The following MTR variants were observed in gnomAD, a reference collection of about 807,000 sequenced individuals.
The protein encoded by MTR is methionine synthase.
In MTR, 84 loss-of-function variants were observed where a neutral mutation model predicts 154.8. The observed-to-expected ratio is 0.54, with a 90% CI of 0.45 to 0.65. The LOEUF (loss-of-function observed/expected upper bound fraction) is 0.65, where lower values mean the gene tolerates loss of function less well. Ranked by LOEUF, MTR falls within the 30% of genes least tolerant of loss-of-function variation. The pLI is 0.00. For synonymous variants in MTR, 554 were observed against 553.9 expected (o/e 1.00, Z 0.00); for missense variants, 1,275 against 1,570.2 (o/e 0.81, Z 3.18).
At chr1:236,870,328 T>C (rs1471589086) in intron 22 of MTR, among the ~76,000 whole-genome samples, 1 of 152,272 alleles carries the variant, frequency 6.6e-6, no homozygotes, top group Non-Finnish European at 1.5e-5. Context: ...TCTGTGGTTA[T>C]GATTCTCTCC....
intron 15 of MTR, among the ~76,000 whole-genome samples, chr1:236,849,765 T>C (rs1414376468): frequency 2.0e-5 from 3 of 152,188 alleles, no homozygotes; most frequent in African/African-American, 7.2e-5. Flanking sequence ...AAAGACTAAT[T>C]TGTATTTATG....
At chr1:236,828,219 C>T (rs776728524) in intron 11 of MTR, among the ~76,000 whole-genome samples, 15 of 152,112 alleles carry the variant, frequency 9.9e-5, no homozygotes, top group Admixed American at 7.2e-4. Flanking sequence ...CCTCGTGGTC[C>T]GCTCACCTTG....
At position 236,803,593 on chromosome 1, in the gene MTR, A is replaced by G. The variant is rs762320058; in HGVS notation, c.200A>G (p.Asn67Ser). 14 of 1,614,058 alleles carry G rather than the reference A, an allele frequency of 8.7e-6. No homozygotes were observed. The highest frequency in any genetic ancestry group is 5.3e-5 in the African/African-American group (4 of 74,926). The change falls in exon 2 of 33, where the codon AAT becomes AGT. Residue 67 changes from asparagine (N) to serine (S), a missense_variant. By Grantham distance (46) the Asn-to-Ser change is conservative (BLOSUM62 1). Transcript: ENST00000366577. ...CATGCCAGGCCGCTGAAAGGCAACA[A>G]TGACATTTTAAGTATAACTCAGCCT... ...KDHARPLKGN[N>S]DILSITQPDV...
intron 22 of MTR, among the ~76,000 whole-genome samples, chr1:236,864,475 A>AT (rs552903341): frequency 1.3e-4 from 19 of 151,302 alleles, no homozygotes; most frequent in Non-Finnish European, 2.4e-4. Flanking sequence ...TCAGGAAGGC[A>AT]TTTTTTTTTC....
At chr1:236,833,143 G>A (rs1369739041) in intron 13 of MTR, among the ~76,000 whole-genome samples, 1 of 152,140 alleles carries the variant, frequency 6.6e-6, no homozygotes, top group African/African-American at 2.4e-5. Context: ...CAGGAGGCTC[G>A]CTTCTGACTC....
intron 27 of MTR, 119 bp downstream of exon 27, chr1:236,886,486 C>A (rs761446167): frequency 1.1e-6 from 1 of 883,794 alleles, no homozygotes; most frequent in Non-Finnish European, 1.9e-6. Flanking sequence ...TCAACTGTGT[C>A]TAATGCTGAT....
At position 236,808,785 on chromosome 1, in the gene MTR, T is replaced by G. The variant is rs1183129985; in HGVS notation, c.409+12T>G. 6.2e-7 allele frequency: 1 copy of G among 1,613,318 alleles called. No individual in the cohort carries two copies. The highest frequency in any genetic ancestry group is 8.5e-7 in the Non-Finnish European group (1 of 1,179,358). On this transcript the variant is annotated intron_variant, in intron 4 of 32. Transcript: ENST00000366577. ...AACTCTCCAGACAGGTAGGGAATGTTCTTCTCTTTTTTTGCACACGTGGTT... is the reference window on the plus strand; with the variant it reads ...AACTCTCCAGACAGGTAGGGAATGTGCTTCTCTTTTTTTGCACACGTGGTT...
Position 236,861,187 on chromosome 1 carries a change from C to G in MTR, c.2106C>G (p.Pro702=). The change falls in exon 20 of 33, where the codon CCC becomes CCG. Residue 702 remains proline, a synonymous_variant. Coordinates refer to ENST00000366577, the MANE Select transcript of MTR (RefSeq NM_000254.3). ...CCAGGTTAAACCAAAAAAAATATCCCCGACCTCTCAATATAATTGAAGGAC... is the reference window on the plus strand; with the variant it reads ...CCAGGTTAAACCAAAAAAAATATCCGCGACCTCTCAATATAATTGAAGGAC... ...EEARLNQKKY[P]RPLNIIEGPL... The G allele has an allele frequency of 6.2e-7, 1 of 1,612,830 alleles. No homozygotes were observed. Among genetic ancestry groups the G allele is most frequent in the Admixed American group, 1.7e-5 (1 of 59,894 alleles).
At chr1:236,816,428 T>A (rs765534864) in intron 7 of MTR, 21 bp from the exon 8 acceptor site, 2 of 1,605,006 alleles carry the variant, frequency 1.2e-6, no homozygotes, top group South Asian at 2.2e-5. Flanking sequence ...ATTGTTGACT[T>A]TGTTTACTTT....
chr1:236,835,600 T>C lies in MTR; in HGVS notation c.1242T>C (p.Asp414=). 1 of 1,611,218 alleles carries C rather than the reference T, an allele frequency of 6.2e-7. No individual in the cohort carries two copies. Among genetic ancestry groups the C allele is most frequent in the African/African-American group, 1.4e-5 (1 of 73,878 alleles). The change falls in exon 14 of 33, where the codon GAT becomes GAC. Residue 414 remains aspartate, a synonymous_variant. Coordinates refer to ENST00000366577, the MANE Select transcript of MTR (RefSeq NM_000254.3). The part of the protein sequence containing the change: ...VQVEMGAQVL[D]VNMDDGMLDG... ...TGGAAATGGGAGCCCAGGTGTTGGATGTCAACATGGATGATGGCATGCTAG... is the reference window on the plus strand; with the variant it reads ...TGGAAATGGGAGCCCAGGTGTTGGACGTCAACATGGATGATGGCATGCTAG...
intron 25 of MTR, 62 bp downstream of exon 25, chr1:236,880,898 G>T (rs1237590363): frequency 1.4e-6 from 2 of 1,453,672 alleles, no homozygotes; most frequent in Non-Finnish European, 1.9e-6. Context: ...ACAAGTAAGG[G>T]TTTAACTTAA....
intron 29 of MTR, among the ~76,000 whole-genome samples, chr1:236,893,756 A>C (rs1434016062): frequency 6.6e-6 from 1 of 152,150 alleles, no homozygotes; most frequent in Non-Finnish European, 1.5e-5. Context: ...GCTGTGGAGA[A>C]AATCCAGAAG....
chr1:236,850,561 A>T (rs780241011), intron 16 of MTR, 38 bp downstream of exon 16: 2 of 1,581,624 alleles, frequency 1.3e-6, no homozygotes, highest in South Asian at 2.2e-5. Context: ...TCATGGCTCA[A>T]ATTTGTCCCA....
intron 20 of MTR, 129 bp from the exon 21 acceptor site, chr1:236,862,107 A>G (rs2103306267): frequency 2.5e-6 from 2 of 794,380 alleles, no homozygotes; most frequent in Admixed American, 1.7e-5. Flanking sequence ...CCTACTGTCA[A>G]AAGACTCCAG....
chr1:236,829,038 T>C, intron 11 of MTR, 151 bp from the exon 12 acceptor site: 1 of 643,214 alleles, frequency 1.6e-6, no homozygotes, highest in Non-Finnish European at 2.7e-6. Flanking sequence ...AAGGCATGAT[T>C]GTTGCTGCAC....
At chr1:236,893,203 G>A (rs1309912729) in intron 29 of MTR, among the ~76,000 whole-genome samples, 1 of 152,170 alleles carries the variant, frequency 6.6e-6, no homozygotes, top group Non-Finnish European at 1.5e-5. Context: ...GAGTATACCT[G>A]GAAAACGGCT....
intron 13 of MTR, 33 bp downstream of exon 13, chr1:236,832,111 G>A (rs1472246486): frequency 6.6e-7 from 1 of 1,522,482 alleles, no homozygotes; most frequent in East Asian, 2.2e-5. Flanking sequence ...TGAGGCATCT[G>A]CCCATGTCTT....
chr1:236,802,412 G>C (rs1416646818), intron 1 of MTR, among the ~76,000 whole-genome samples: 1 of 152,134 alleles, frequency 6.6e-6, no homozygotes, highest in African/African-American at 2.4e-5. Flanking sequence ...AGTGGTGGAG[G>C]AGGAAGCCAT....
intron 15 of MTR, among the ~76,000 whole-genome samples, chr1:236,844,330 G>A (rs1346740559): frequency 4.6e-5 from 7 of 152,082 alleles, no homozygotes; most frequent in Non-Finnish European, 5.9e-5. Context: ...TTATTGGAGT[G>A]GGTTCAAGAG....
Sources: gnomAD v4.1 joint callset for allele counts (sites outside exome capture counted in the v4.1 genomes callset) on GRCh38, gnomAD v4.1.1 for gene constraint, MANE v1.5 for transcripts, NCBI Gene and HGNC (gene_info 2026-07-23, HGNC 2026-07-21) for gene names.